GBE1: variants seen among roughly 807,000 people sequenced by gnomAD.
The protein encoded by GBE1 is 1,4-alpha-glucan branching enzyme 1, also known as 1,4-alpha-glucan-branching enzyme.
A neutral mutation model predicts 88.8 loss-of-function variants in GBE1; 70 were observed. The observed-to-expected ratio is 0.79, with a 90% CI of 0.65 to 0.96. GBE1 has a LOEUF of 0.96. Among genes scored for constraint, GBE1 ranks in the 40% least tolerant of loss-of-function variants. The pLI, the probability that GBE1 is intolerant of heterozygous loss-of-function variation, is 0.00. For missense variants in GBE1, 872 were observed against 871.0 expected (o/e 1.00, Z -0.01); for synonymous variants, 284 against 300.1 (o/e 0.95, Z 0.56).
chr3:81,654,363 T>A (rs1704899211), intron 3 of GBE1, among the ~76,000 whole-genome samples: 1 of 152,116 alleles, frequency 6.6e-6, no homozygotes, highest in African/African-American at 2.4e-5. Flanking sequence ...TTGGAATATA[T>A]TTTAAAGTGC....
intron 12 of GBE1, among the ~76,000 whole-genome samples, chr3:81,569,846 C>G (rs1703548969): frequency 1.3e-5 from 2 of 151,922 alleles, no homozygotes; most frequent in African/African-American, 4.8e-5. Flanking sequence ...CAAGATTTTG[C>G]TCTTGTTGCC....
At chr3:81,510,883 G>A (rs1399769527) in intron 14 of GBE1, among the ~76,000 whole-genome samples, 2 of 151,974 alleles carry the variant, frequency 1.3e-5, no homozygotes. Context: ...CTTGAAATCT[G>A]CTGAGAGCTG....
In GBE1 at chr3:81,537,181, G is replaced by A; in HGVS notation, c.1619-86C>T. 4.4e-6 allele frequency: 4 copies of A among 917,386 alleles called. No homozygotes were observed. The East Asian group carries it at 1.3e-4, about 29-fold the overall frequency. The allele number at this position is 917,386 out of a possible 1,614,324, so 56.8% of individuals were successfully genotyped here. On this transcript the variant is annotated intron_variant, in intron 12 of 15. Transcript: ENST00000429644. ...AAATCAATAATTATATGTTTTTAAT[G>A]TTTTTTAAATTTAGTTTAGGCTATC...
chr3:81,669,373 C>G (rs1705156626), intron 3 of GBE1, among the ~76,000 whole-genome samples: 1 of 151,974 alleles, frequency 6.6e-6, no homozygotes, highest in Admixed American at 6.6e-5. Flanking sequence ...GTTCAGTTCT[C>G]AAAAAAAGTT....
intron 1 of GBE1, among the ~76,000 whole-genome samples, chr3:81,752,835 T>C (rs1180817694): frequency 6.6e-6 from 1 of 152,198 alleles, no homozygotes; most frequent in Non-Finnish European, 1.5e-5. Context: ...ATGGTATTTA[T>C]CTGATGATTG....
intron 2 of GBE1, among the ~76,000 whole-genome samples, chr3:81,675,836 T>G (rs1398217362): frequency 6.6e-6 from 1 of 152,114 alleles, no homozygotes; most frequent in African/African-American, 2.4e-5. Context: ...CTAAAACATT[T>G]GATGTTTATC....
At position 81,657,145 on chromosome 3, in the gene GBE1, A is replaced by C. The variant is rs563800561; in HGVS notation, c.430-7224T>G. On this transcript the variant is annotated intron_variant, in intron 3 of 15. Coordinates refer to ENST00000429644, the MANE Select transcript of GBE1 (RefSeq NM_000158.4). ...CACTCCAGCCGTCTCAAAAAAAAAAAAAACAAAACAAAAAAAAACAATAAA... is the reference window on the plus strand; with the variant it reads ...CACTCCAGCCGTCTCAAAAAAAAAACAAACAAAACAAAAAAAAACAATAAA... 1.0e-3 allele frequency among the ~76,000 whole-genome samples: 155 copies of C among 150,198 alleles called. 2 individuals are homozygous for C. The highest frequency in any genetic ancestry group is 3.4e-3 in the Admixed American group (51 of 15,108).
chr3:81,563,945 C>T (rs953702977), intron 12 of GBE1, among the ~76,000 whole-genome samples: 5 of 148,296 alleles, frequency 3.4e-5, no homozygotes, highest in South Asian at 4.3e-4. Context: ...AAGGAAGGGA[C>T]GAAGGAAGGA....
At chr3:81,748,334 G>A (rs977474225) in intron 1 of GBE1, among the ~76,000 whole-genome samples, 5 of 152,270 alleles carry the variant, frequency 3.3e-5, no homozygotes, top group East Asian at 1.9e-4. Context: ...AGTGAAGGCC[G>A]GGTGCGGTGG....
chr3:81,550,619 T>A (rs902332195), intron 12 of GBE1, among the ~76,000 whole-genome samples: 2 of 152,254 alleles, frequency 1.3e-5, no homozygotes, highest in South Asian at 4.2e-4. Flanking sequence ...ACACAGGTCA[T>A]GAAGACCTTG....
intron 3 of GBE1, among the ~76,000 whole-genome samples, chr3:81,670,051 G>A (rs1215710698): frequency 6.6e-6 from 1 of 152,096 alleles, no homozygotes; most frequent in Non-Finnish European, 1.5e-5. Flanking sequence ...AAGACACAAG[G>A]GACATGGAAA....
intron 7 of GBE1, among the ~76,000 whole-genome samples, chr3:81,599,709 T>C (rs1159396071): frequency 6.6e-6 from 1 of 152,128 alleles, no homozygotes; most frequent in Middle Eastern, 3.2e-3. Context: ...TATACAGACA[T>C]AGGTATATAC....
intron 12 of GBE1, among the ~76,000 whole-genome samples, chr3:81,547,266 TAG>T (rs1004249768): frequency 6.6e-6 from 1 of 151,444 alleles, no homozygotes; most frequent in Non-Finnish European, 1.5e-5. Context: ...TTAGGAATGT[TAG>T]AGTCCTTTAT....
At chr3:81,559,718 C>T (rs939592264) in intron 12 of GBE1, among the ~76,000 whole-genome samples, 24 of 134,260 alleles carry the variant, frequency 1.8e-4, no homozygotes, top group African/African-American at 6.4e-4. Flanking sequence ...AGAGGAGGTG[C>T]TCTGCCTGTA....
intron 7 of GBE1, among the ~76,000 whole-genome samples, chr3:81,612,081 T>C (rs1704188872): frequency 1.3e-5 from 2 of 152,118 alleles, no homozygotes; most frequent in Admixed American, 6.6e-5. Context: ...AAACAAACAC[T>C]AGTTTAAGAG....
intron 13 of GBE1, 46 bp downstream of exon 13, chr3:81,536,865 T>C: frequency 7.0e-7 from 1 of 1,429,268 alleles, no homozygotes; most frequent in Non-Finnish European, 9.5e-7. Context: ...TCTAGGCATG[T>C]ACCTCATTGG....
chr3:81,746,981 T>C (rs945389990), intron 1 of GBE1, among the ~76,000 whole-genome samples: 1 of 152,196 alleles, frequency 6.6e-6, no homozygotes, highest in Non-Finnish European at 1.5e-5. Flanking sequence ...GTCAGGTCGC[T>C]TCTCAATACA....
At chr3:81,681,439 C>T (rs982319465) in intron 2 of GBE1, among the ~76,000 whole-genome samples, 2 of 152,178 alleles carry the variant, frequency 1.3e-5, no homozygotes, top group African/African-American at 4.8e-5. Context: ...CCCTAAAACA[C>T]AATCTTCTAT....
intron 2 of GBE1, among the ~76,000 whole-genome samples, chr3:81,685,048 A>G (rs1705413350): frequency 1.3e-5 from 2 of 152,270 alleles, no homozygotes; most frequent in South Asian, 4.1e-4. Flanking sequence ...CAACAAAAGT[A>G]TCATAAAAGA....
Sources: gnomAD v4.1 joint callset for allele counts (sites outside exome capture counted in the v4.1 genomes callset) on GRCh38, gnomAD v4.1.1 for gene constraint, MANE v1.5 for transcripts, NCBI Gene and HGNC (gene_info 2026-07-23, HGNC 2026-07-21) for gene names.